Variants in PLXNA4 observed in about 807,000 individuals in gnomAD.
The protein encoded by PLXNA4 is plexin-A4.
Under a neutral mutation model 191.8 loss-of-function variants are expected in PLXNA4, and 44 were observed. That is an observed-to-expected ratio of 0.23 (90% CI 0.18 to 0.29). PLXNA4 has a LOEUF of 0.29. PLXNA4 is among the 10% of genes least tolerant of loss of function. The pLI, the probability that PLXNA4 is intolerant of heterozygous loss-of-function variation, is 1.00. For missense variants in PLXNA4, 1,800 were observed against 2,488.8 expected, an observed-to-expected ratio of 0.72 and a Z score of 5.89; for synonymous variants, 1,082 against 1,009.5, an observed-to-expected ratio of 1.07 and a Z score of -1.36.
At chr7:132,572,556 T>C (rs937499784) in intron 1 of PLXNA4, among the ~76,000 whole-genome samples, 1 of 152,154 alleles carries the variant, frequency 6.6e-6, no homozygotes, top group African/African-American at 2.4e-5. Context: ...AGCAGCCTCC[T>C]CCTTCAGGAA....
intron 3 of PLXNA4, among the ~76,000 whole-genome samples, chr7:132,432,968 C>T (rs756998020): frequency 3.9e-5 from 6 of 152,146 alleles, no homozygotes; most frequent in Non-Finnish European, 5.9e-5. Context: ...CATTACCACC[C>T]CACCATTGTA....
intron 4 of PLXNA4, among the ~76,000 whole-genome samples, chr7:132,277,336 T>C (rs1364325869): frequency 6.6e-6 from 1 of 152,204 alleles, no homozygotes; most frequent in Non-Finnish European, 1.5e-5. Context: ...AGTGTGAAGA[T>C]GCATTTAAAT....
chr7:132,573,029 G>A (rs1039513421), intron 1 of PLXNA4, among the ~76,000 whole-genome samples: 6 of 151,816 alleles, frequency 4.0e-5, no homozygotes, highest in African/African-American at 9.7e-5. Flanking sequence ...ATTTGAGGGC[G>A]AATGGGCTGG....
At position 132,404,079 on chromosome 7, in the gene PLXNA4, CT is replaced by C. The variant is rs137922245; in HGVS notation, c.1371+85212del. 5.0e-3 allele frequency among the ~76,000 whole-genome samples: 764 copies of C among 152,256 alleles called. 11 individuals carry two copies. Among genetic ancestry groups the C allele is most frequent in the African/African-American group, 0.018 (733 of 41,540 alleles). The stretch of plus-strand genomic sequence containing the variant: ...AGACAAGGCTTTCTTTCTTTCACTT[CT>C]TTTGTTTCCACGGGTCCCCAAGCAC... On this transcript the variant is annotated intron_variant, in intron 3 of 31. Transcript: ENST00000321063.
At chr7:132,222,734 A>G (rs747721219) in intron 9 of PLXNA4, among the ~76,000 whole-genome samples, 3 of 152,172 alleles carry the variant, frequency 2.0e-5, no homozygotes, top group Non-Finnish European at 2.9e-5. Flanking sequence ...CCTTGCCCAC[A>G]CTCTGACATT....
intron 3 of PLXNA4, among the ~76,000 whole-genome samples, chr7:132,383,140 C>T (rs975253435): frequency 2.6e-5 from 4 of 152,138 alleles, no homozygotes; most frequent in African/African-American, 9.7e-5. Context: ...ATCCATGCTC[C>T]CTCTCTCTGA....
At chr7:132,588,171 C>T (rs966923662) in intron 2 of PLXNA4, among the ~76,000 whole-genome samples, 1 of 152,134 alleles carries the variant, frequency 6.6e-6, no homozygotes, top group East Asian at 1.9e-4. Flanking sequence ...GTAGTGTCAT[C>T]TCATCCTATG....
intron 3 of PLXNA4, among the ~76,000 whole-genome samples, chr7:132,351,921 G>A (rs1803505159): frequency 6.6e-6 from 1 of 152,062 alleles, no homozygotes. Context: ...AATAAAAGGG[G>A]GCCAATTCCC....
chr7:132,572,558 C>T (rs1802027559), intron 1 of PLXNA4, among the ~76,000 whole-genome samples: 1 of 152,194 alleles, frequency 6.6e-6, no homozygotes. Context: ...CAGCCTCCTC[C>T]TTCAGGAACA....
intron 1 of PLXNA4, among the ~76,000 whole-genome samples, chr7:132,562,994 C>T (rs1585347814): frequency 1.7e-5 from 2 of 118,772 alleles, no homozygotes; most frequent in African/African-American, 3.4e-5. Flanking sequence ...TTCTCCTCCT[C>T]CTCCTCCTTC....
Position 132,214,925 on chromosome 7 carries a change from T to C in PLXNA4, c.2098-3782A>G, listed in dbSNP as rs556636670. ...TTTGGGGATTCCATAAACTAACACA[T>C]ATAAAGCGTCTGGTCCGGGGTGAGT... is the stretch of plus-strand genomic sequence containing the variant. On this transcript the variant is annotated intron_variant, in intron 9 of 31. Coordinates refer to ENST00000321063, the MANE Select transcript of PLXNA4 (RefSeq NM_020911.2). 3.3e-5 allele frequency among the ~76,000 whole-genome samples: 5 copies of C among 152,252 alleles called. No individual in the cohort carries two copies. In the South Asian group the frequency reaches 1.0e-3, roughly 32 times the overall value.
At chr7:132,259,469 A>G (rs1480571706) in intron 4 of PLXNA4, among the ~76,000 whole-genome samples, 60 of 136,714 alleles carry the variant, frequency 4.4e-4, no homozygotes, top group Admixed American at 2.7e-3. Flanking sequence ...AAAAAAAAAA[A>G]AAAAGAAAAA....
intron 3 of PLXNA4, among the ~76,000 whole-genome samples, chr7:132,443,205 G>A (rs779115537): frequency 2.0e-5 from 3 of 152,126 alleles, no homozygotes; most frequent in Non-Finnish European, 4.4e-5. Flanking sequence ...GCTGATGTTT[G>A]GAGGTTTTCC....
At chr7:132,545,854 G>A (rs1047556104) in intron 1 of PLXNA4, among the ~76,000 whole-genome samples, 2 of 152,200 alleles carry the variant, frequency 1.3e-5, no homozygotes, top group Admixed American at 1.3e-4. Flanking sequence ...AGGCACCTGC[G>A]GGCCTGGACC....
chr7:132,559,839 C>A (rs1226038765), intron 1 of PLXNA4, among the ~76,000 whole-genome samples: 1 of 152,210 alleles, frequency 6.6e-6, no homozygotes, highest in Non-Finnish European at 1.5e-5. Flanking sequence ...AGAGAGAGAA[C>A]AGATACTGCT....
At chr7:132,641,847 G>A (rs1404527787) in intron 2 of PLXNA4, among the ~76,000 whole-genome samples, 1 of 152,104 alleles carries the variant, frequency 6.6e-6, no homozygotes, top group Admixed American at 6.5e-5. Context: ...CCATGACCAA[G>A]TCTGTGCATG....
At chr7:132,249,798 A>G (rs373316632) in intron 4 of PLXNA4, among the ~76,000 whole-genome samples, 2 of 152,190 alleles carry the variant, frequency 1.3e-5, no homozygotes, top group East Asian at 3.9e-4. Context: ...TCTGCTGAAC[A>G]CAGGTCCTGT....
intron 22 of PLXNA4, 68 bp from the exon 23 acceptor site, chr7:132,165,268 G>A (rs1458460541): frequency 1.3e-6 from 2 of 1,562,150 alleles, no homozygotes; most frequent in Admixed American, 1.8e-5. Context: ...AGAGCCCGTG[G>A]GCTGGGAAGG....
chr7:132,378,353 CCTGGCACATGG>C (rs1244658986), intron 3 of PLXNA4, among the ~76,000 whole-genome samples: 1 of 152,110 alleles, frequency 6.6e-6, no homozygotes, highest in Non-Finnish European at 1.5e-5. Context: ...TCTCACCACC[CCTGGCACATGG>C]CTGGCACATG....
Sources: gnomAD v4.1 joint callset for allele counts (sites outside exome capture counted in the v4.1 genomes callset) on GRCh38, gnomAD v4.1.1 for gene constraint, MANE v1.5 for transcripts, NCBI Gene and HGNC (gene_info 2026-07-23, HGNC 2026-07-21) for gene names.